Variants in USP13 observed in about 807,000 individuals in gnomAD.
The protein encoded by USP13 is ubiquitin specific peptidase 13, also known as ubiquitin carboxyl-terminal hydrolase 13.
In USP13, 68 loss-of-function variants were observed where a neutral mutation model predicts 107.8. That is an observed-to-expected ratio of 0.63 (90% CI 0.52 to 0.77). The LOEUF (loss-of-function observed/expected upper bound fraction) is 0.77, where lower values mean the gene tolerates loss of function less well. Ranked by LOEUF, USP13 falls within the 30% of genes least tolerant of loss-of-function variation. The pLI is 0.00. For missense variants in USP13, 945 were observed against 1,093.3 expected (o/e 0.86, Z 1.91); for synonymous variants, 377 against 389.5 (o/e 0.97, Z 0.38).
intron 1 of USP13, among the ~76,000 whole-genome samples, chr3:179,667,654 T>G (rs1369229798): frequency 6.6e-6 from 1 of 152,066 alleles, no homozygotes; most frequent in African/African-American, 2.4e-5. Flanking sequence ...GAAGAATGAT[T>G]CTTTTTTTTG....
At position 179,719,982 on chromosome 3, in the gene USP13, A is replaced by G; in HGVS notation, c.848A>G (p.His283Arg). The G allele has an allele frequency of 6.2e-7, 1 of 1,614,058 alleles. No individual in the cohort carries two copies. The highest frequency in any genetic ancestry group is 8.5e-7 in the Non-Finnish European group (1 of 1,179,996). ...GAAGAAGAACCTGTTTTGGATCCTC[A>G]TTTGGCCAAGCACTTAGCGCATTTT... ...FQEEEPVLDP[H>R]LAKHLAHFGI... Residue 283 changes from histidine (H) to arginine (R), a missense_variant, in exon 7 of 21, where the codon CAT becomes CGT. His to Arg is a conservative substitution (Grantham distance 29). Coordinates refer to ENST00000263966, the MANE Select transcript of USP13 (RefSeq NM_003940.3).
intron 19 of USP13, among the ~76,000 whole-genome samples, chr3:179,777,927 A>C (rs1189039051): frequency 6.6e-6 from 1 of 152,174 alleles, no homozygotes; most frequent in Admixed American, 6.5e-5. Flanking sequence ...TCTTGCTTAC[A>C]TAGGGAGGTA....
intron 3 of USP13, among the ~76,000 whole-genome samples, chr3:179,697,692 A>T (rs1263091914): frequency 6.6e-6 from 1 of 152,128 alleles, no homozygotes; most frequent in Non-Finnish European, 1.5e-5. Flanking sequence ...TGGGGTGATG[A>T]GACATGATTT....
At chr3:179,751,594 G>A (rs1449477328) in intron 13 of USP13, among the ~76,000 whole-genome samples, 1 of 152,204 alleles carries the variant, frequency 6.6e-6, no homozygotes, top group African/African-American at 2.4e-5. Context: ...CATGCATGCT[G>A]TAAACAGTTA....
chr3:179,730,316 C>G (rs1713756019), intron 9 of USP13, 56 bp downstream of exon 9: 2 of 1,542,864 alleles, frequency 1.3e-6, no homozygotes, highest in African/African-American at 2.8e-5. Flanking sequence ...ATAAAATGTT[C>G]ATAGTGGATA....
At chr3:179,669,006 G>A (rs1022491173) in intron 1 of USP13, among the ~76,000 whole-genome samples, 1 of 152,194 alleles carries the variant, frequency 6.6e-6, no homozygotes, top group African/African-American at 2.4e-5. Flanking sequence ...TGAATTAATA[G>A]GTAGGTGGTG....
intron 19 of USP13, among the ~76,000 whole-genome samples, chr3:179,778,854 C>G (rs769096078): frequency 1.3e-5 from 2 of 151,752 alleles, no homozygotes; most frequent in Non-Finnish European, 2.9e-5. Flanking sequence ...ACGGGAGCAA[C>G]AGGAGTGAGG....
chr3:179,719,362 G>A (rs1396498434), intron 6 of USP13, among the ~76,000 whole-genome samples: 1 of 152,202 alleles, frequency 6.6e-6, no homozygotes, highest in Non-Finnish European at 1.5e-5. Context: ...CGCTGGTTCT[G>A]TGAGATGTGG....
chr3:179,707,167 AT>A, intron 5 of USP13, 91 bp downstream of exon 5: 17 of 1,446,384 alleles, frequency 1.2e-5, no homozygotes, highest in Non-Finnish European at 1.6e-5. Context: ...AGGAAGTTAT[AT>A]TTTTTCTTAC....
rs1034851475 is a variant in USP13 at position 179,787,883 on chromosome 3, C to G, written c.*3742C>G. ...TGCTGGGATTACACGCATGAGCTACCGCGTCCAGCCCCACTTTTTTTCTAC... is the reference window on the plus strand; with the variant it reads ...TGCTGGGATTACACGCATGAGCTACGGCGTCCAGCCCCACTTTTTTTCTAC... On this transcript the variant is annotated 3_prime_UTR_variant, in exon 21 of 21. Coordinates refer to ENST00000263966, the MANE Select transcript of USP13 (RefSeq NM_003940.3). 5 of 152,132 alleles carry G rather than the reference C, an allele frequency of 3.3e-5. No individual in the cohort carries two copies. The highest frequency in any genetic ancestry group is 1.2e-4 in the African/African-American group (5 of 41,424). The allele number at this position is 152,132 out of a possible 1,614,324, so 9.4% of individuals were successfully genotyped here. A position where few individuals can be genotyped will look rare whatever the true frequency, so the allele number is the denominator to read the frequency against.
chr3:179,703,620 T>C (rs1379374217), intron 4 of USP13, among the ~76,000 whole-genome samples: 3 of 152,240 alleles, frequency 2.0e-5, no homozygotes, highest in African/African-American at 7.2e-5. Flanking sequence ...TGTTTTGTAG[T>C]GTCTGCTGAT....
intron 2 of USP13, among the ~76,000 whole-genome samples, chr3:179,682,519 C>T (rs1711698832): frequency 6.6e-6 from 1 of 152,226 alleles, no homozygotes; most frequent in African/African-American, 2.4e-5. Context: ...TATAGTATAA[C>T]TTTATATGTT....
chr3:179,778,561 C>T lies in USP13; in HGVS notation c.2414-3178C>T, dbSNP rs986660457. Among the ~76,000 whole-genome samples, 10 of 152,062 alleles carry T rather than the reference C, an allele frequency of 6.6e-5. No individual in the cohort carries two copies. The East Asian group carries it at 7.7e-4, about 12-fold the overall frequency. On this transcript the variant is annotated intron_variant, in intron 19 of 20. Coordinates refer to ENST00000263966, the MANE Select transcript of USP13 (RefSeq NM_003940.3). ...GGTGGATTACCTGAGGTCAGGCGTT[C>T]GAGACCGGCCTGGCCAGCATGGCGA...
rs2108450241 is a variant in USP13 at position 179,678,371 on chromosome 3, C to T, written c.169-3507C>T. 6.6e-6 allele frequency among the ~76,000 whole-genome samples: 1 copy of T among 152,204 alleles called. No homozygotes were observed. The highest frequency in any genetic ancestry group is 2.1e-4 in the South Asian group (1 of 4,812). On this transcript the variant is annotated intron_variant, in intron 1 of 20. Coordinates refer to ENST00000263966, the MANE Select transcript of USP13 (RefSeq NM_003940.3). The surrounding 1 kb of genome is among the most constrained non-coding windows in gnomAD (Gnocchi z 4.2). ...TGATTAAATGCATGTAATGTGTTGT[C>T]TCTAGTTGAAGGACTTTTCTAATTT...
At chr3:179,662,403 GT>G (rs1444008974) in intron 1 of USP13, among the ~76,000 whole-genome samples, 1 of 152,150 alleles carries the variant, frequency 6.6e-6, no homozygotes, top group African/African-American at 2.4e-5. Flanking sequence ...CAGTTCTGGA[GT>G]CTTTTGGGCA....
At chr3:179,741,726 A>G (rs570873366) in intron 11 of USP13, among the ~76,000 whole-genome samples, 16 of 152,296 alleles carry the variant, frequency 1.1e-4, no homozygotes, top group Admixed American at 9.1e-4. Context: ...AATTCTCTAC[A>G]TGCTCTTCTG....
At position 179,656,216 on chromosome 3, in the gene USP13, A is replaced by G. The variant is rs1208913732; in HGVS notation, c.168+2823A>G. 3.3e-5 allele frequency among the ~76,000 whole-genome samples: 5 copies of G among 152,276 alleles called. No individual in the cohort carries two copies. The East Asian group carries it at 9.6e-4, about 29-fold the overall frequency. ...TGCCTGTAATGTATTTGGAATAAAA[A>G]GATACATTTGGCAAGTAGCAAGAAG... On this transcript the variant is annotated intron_variant, in intron 1 of 20. Transcript: ENST00000263966.
intron 1 of USP13, among the ~76,000 whole-genome samples, chr3:179,676,563 A>G (rs1560044814): frequency 6.6e-6 from 1 of 152,142 alleles, no homozygotes; most frequent in Admixed American, 6.5e-5. Flanking sequence ...TAGACTTTTT[A>G]TCAGGATTGA....
intron 1 of USP13, among the ~76,000 whole-genome samples, chr3:179,665,730 C>T (rs546156895): frequency 1.3e-5 from 2 of 152,196 alleles, no homozygotes; most frequent in Admixed American, 1.3e-4. Flanking sequence ...GGACCACAGG[C>T]ATGCACCACC....
Sources: gnomAD v4.1 joint callset for allele counts (sites outside exome capture counted in the v4.1 genomes callset) on GRCh38, gnomAD v4.1.1 for gene constraint, Gnocchi (gnomAD v3.1) non-coding constraint, MANE v1.5 for transcripts, NCBI Gene and HGNC (gene_info 2026-07-23, HGNC 2026-07-21) for gene names.